The following FANK1 variants were observed in gnomAD, a reference collection of about 807,000 sequenced individuals.
FANK1 encodes the protein fibronectin type III and ankyrin repeat domains 1, also known as fibronectin type 3 and ankyrin repeat domains protein 1.
FANK1 carries 44 observed loss-of-function variants against 45.3 expected under a neutral mutation model. That is an observed-to-expected ratio of 0.97 (90% confidence interval 0.76 to 1.25). The LOEUF (loss-of-function observed/expected upper bound fraction) is 1.25. Ranked by LOEUF, FANK1 falls within the 50% of genes most tolerant of loss-of-function variation. FANK1 has a pLI of 0.00. For missense variants in FANK1, 391 were observed against 424.4 expected, an observed-to-expected ratio of 0.92 and a Z score of 0.69; for synonymous variants, 149 against 152.5, an observed-to-expected ratio of 0.98 and a Z score of 0.17.
At chr10:125,989,294 A>AAG in intron 3 of FANK1, 1 of 1,550,522 alleles carries the variant, frequency 6.4e-7, no homozygotes, top group Non-Finnish European at 8.7e-7. Context: ...ATCTCTGAGC[A>AAG]AGAGCCTTGT....
At chr10:126,003,702 G>A (rs1952951327) in intron 6 of FANK1, among the ~76,000 whole-genome samples, 1 of 151,578 alleles carries the variant, frequency 6.6e-6, no homozygotes, top group African/African-American at 2.4e-5. Context: ...TTGAGACAGA[G>A]TCTTGCTCTC....
intron 1 of FANK1, among the ~76,000 whole-genome samples, chr10:125,968,202 C>G (rs972007896): frequency 6.6e-6 from 1 of 152,040 alleles, no homozygotes; most frequent in Admixed American, 6.6e-5. Context: ...ATGTGATCCT[C>G]TCACCTTGGC....
chr10:125,972,517 A>G (rs777723145), intron 1 of FANK1, among the ~76,000 whole-genome samples: 1 of 152,246 alleles, frequency 6.6e-6, no homozygotes, highest in Non-Finnish European at 1.5e-5. Flanking sequence ...GAAACAAAGC[A>G]AAACAAATTG....
chr10:125,945,899 G>C (rs1037823213), intron 1 of FANK1, among the ~76,000 whole-genome samples: 2 of 152,336 alleles, frequency 1.3e-5, no homozygotes, highest in African/African-American at 4.8e-5. Context: ...CGCAGCTGGA[G>C]ATCTGAGAAC....
intron 7 of FANK1, among the ~76,000 whole-genome samples, chr10:126,006,108 G>T (rs1426193983): frequency 6.6e-6 from 1 of 152,218 alleles, no homozygotes; most frequent in African/African-American, 2.4e-5. Context: ...ACAAAGTTCT[G>T]TGCTATCTGT....
At chr10:125,940,034 C>T (rs1397857988) in intron 1 of FANK1, among the ~76,000 whole-genome samples, 1 of 151,824 alleles carries the variant, frequency 6.6e-6, no homozygotes, top group Non-Finnish European at 1.5e-5. Context: ...AATCTTAATC[C>T]ATTTAAATGT....
At chr10:125,928,113 ATAGAG>A (rs1947495199) in intron 1 of FANK1, among the ~76,000 whole-genome samples, 1 of 152,170 alleles carries the variant, frequency 6.6e-6, no homozygotes, top group African/African-American at 2.4e-5. Flanking sequence ...GGGCGAGTCC[ATAGAG>A]TAAAGTGATA....
intron 6 of FANK1, among the ~76,000 whole-genome samples, chr10:126,000,893 C>T (rs1231334296): frequency 1.3e-5 from 2 of 152,086 alleles, no homozygotes; most frequent in African/African-American, 2.4e-5. Context: ...CAATTTATAG[C>T]AGAATCAATA....
intron 6 of FANK1, chr10:126,004,304 T>C (rs1344918293): frequency 1.3e-5 from 2 of 152,214 alleles, no homozygotes; most frequent in Non-Finnish European, 2.9e-5. Flanking sequence ...GGACTTTGGA[T>C]GTTTTAAAAT....
chr10:125,963,816 A>G (rs916959193), intron 1 of FANK1, among the ~76,000 whole-genome samples: 1 of 152,202 alleles, frequency 6.6e-6, no homozygotes, highest in Non-Finnish European at 1.5e-5. Context: ...TGGGTGCAGC[A>G]CACCAACATG....
At chr10:126,004,101 C>T (rs1952986361) in intron 6 of FANK1, 2 of 147,380 alleles carry the variant, frequency 1.4e-5, no homozygotes, top group African/African-American at 5.0e-5. Context: ...TATTAGTTGG[C>T]AGTCTTCTGT....
chr10:125,936,849 C>T (rs993049156), intron 1 of FANK1, among the ~76,000 whole-genome samples: 2 of 152,032 alleles, frequency 1.3e-5, no homozygotes, highest in Non-Finnish European at 2.9e-5. Context: ...GGGTGGATCA[C>T]CCGAGGTTGG....
chr10:125,907,754 CAACAGCAGGTGG>C (rs1046383221), intron 1 of FANK1, among the ~76,000 whole-genome samples: 5 of 152,160 alleles, frequency 3.3e-5, no homozygotes, highest in African/African-American at 1.2e-4. Context: ...TGAGAAAGCC[CAACAGCAGGTGG>C]TGTCTAGGAC....
At chr10:125,971,838 G>A (rs565165933) in intron 1 of FANK1, among the ~76,000 whole-genome samples, 1 of 152,080 alleles carries the variant, frequency 6.6e-6, no homozygotes. Context: ...TAGCCAGGAT[G>A]GTCTCGATCT....
chr10:125,996,621 C>G lies in FANK1; in HGVS notation c.470C>G (p.Thr157Ser). The G allele has an allele frequency of 6.2e-7, 1 of 1,613,408 alleles. No homozygotes were observed. Among genetic ancestry groups the G allele is most frequent in the Non-Finnish European group, 8.5e-7 (1 of 1,179,686 alleles). Residue 157 changes from threonine to serine, a missense_variant, in exon 5 of 11, where the codon ACC (threonine) becomes AGC (serine). Transcript: ENST00000368693. The part of the protein sequence containing the change: ...ALMVAAQKGY[T>S]RLVKILVSNG... Reference sequence around the variant, plus strand: ...ATGGTTGCTGCCCAGAAAGGATACACCAGGTATGGCTCTTCTTTTTTTTAA... The same window carrying G: ...ATGGTTGCTGCCCAGAAAGGATACAGCAGGTATGGCTCTTCTTTTTTTTAA...
intron 3 of FANK1, chr10:125,989,459 C>T: frequency 9.2e-7 from 1 of 1,090,828 alleles, no homozygotes; most frequent in Non-Finnish European, 1.4e-6. Context: ...TATGTGCTTT[C>T]CATGGCTTTC....
chr10:125,988,775 G>A (rs1951734357), intron 3 of FANK1, 100 bp downstream of exon 3: 5 of 1,568,246 alleles, frequency 3.2e-6, no homozygotes, highest in East Asian at 2.2e-5. Context: ...CTTACCAGAA[G>A]CAGAAATGAT....
At chr10:125,992,191 T>G (rs1308559274) in intron 3 of FANK1, among the ~76,000 whole-genome samples, 1 of 152,224 alleles carries the variant, frequency 6.6e-6, no homozygotes, top group Non-Finnish European at 1.5e-5. Context: ...CTGTTCACCC[T>G]GGAATTTCCT....
In FANK1 at chr10:126,009,572, G is replaced by A. The variant is rs1953512933; in HGVS notation, c.*134G>A. On this transcript the variant is annotated 3_prime_UTR_variant, in exon 11 of 11. Transcript: ENST00000368693. ...GTTGAAGATTCACTGATCCCACTTT[G>A]AAATACATCTTTTTACCTAAGCATG... 1 of 905,650 alleles carries A rather than the reference G, an allele frequency of 1.1e-6. No homozygotes were observed. Among genetic ancestry groups the A allele is most frequent in the African/African-American group, 1.7e-5 (1 of 59,350 alleles). The allele number at this position is 905,650 out of a possible 1,614,324, so 56.1% of individuals were successfully genotyped here.
Sources: gnomAD v4.1 joint callset for allele counts (sites outside exome capture counted in the v4.1 genomes callset) on GRCh38, gnomAD v4.1.1 for gene constraint, MANE v1.5 for transcripts, NCBI Gene and HGNC (gene_info 2026-07-23, HGNC 2026-07-21) for gene names.